Variants in VPS13B observed in about 807,000 individuals in gnomAD.
The protein encoded by VPS13B is intermembrane lipid transfer protein VPS13B.
Under a neutral mutation model 426.4 loss-of-function variants are expected in VPS13B, and 285 were observed. The observed-to-expected ratio is 0.67, with a 90% CI of 0.61 to 0.74. The LOEUF is 0.74. Ranked by LOEUF, VPS13B falls within the 30% of genes least tolerant of loss-of-function variation. VPS13B has a pLI of 0.00. For synonymous variants in VPS13B, 1,676 were observed against 1,676.4 expected, an observed-to-expected ratio of 1.00 and a Z score of 0.01; for missense variants, 4,537 against 4,782.6, an observed-to-expected ratio of 0.95 and a Z score of 1.51.
chr8:99,724,211 GCTTGCTCT>G (rs1474604270), intron 39 of VPS13B, among the ~76,000 whole-genome samples: 2 of 152,158 alleles, frequency 1.3e-5, no homozygotes, highest in Admixed American at 6.5e-5. Flanking sequence ...CAGGCCCTGG[GCTTGCTCT>G]GGGGGATCCA....
At chr8:99,316,547 A>G (rs1446065217) in intron 19 of VPS13B, among the ~76,000 whole-genome samples, 1 of 152,126 alleles carries the variant, frequency 6.6e-6, no homozygotes, top group African/African-American at 2.4e-5. Context: ...TCTCTTCACT[A>G]GAATTACAGG....
intron 19 of VPS13B, among the ~76,000 whole-genome samples, chr8:99,326,236 A>C (rs1370019969): frequency 6.6e-6 from 1 of 152,036 alleles, no homozygotes; most frequent in Non-Finnish European, 1.5e-5. Flanking sequence ...CATGTGCGAC[A>C]GGTACTCAGT....
intron 43 of VPS13B, among the ~76,000 whole-genome samples, chr8:99,785,343 A>G (rs890637272): frequency 1.3e-5 from 2 of 152,182 alleles, no homozygotes; most frequent in African/African-American, 2.4e-5. Flanking sequence ...CTAGACCAGC[A>G]TCAGAATACA....
At chr8:99,561,988 A>G (rs1371906500) in intron 31 of VPS13B, among the ~76,000 whole-genome samples, 1 of 152,162 alleles carries the variant, frequency 6.6e-6, no homozygotes. Flanking sequence ...GAAACTGCCA[A>G]ACTCTTTTCA....
intron 58 of VPS13B, among the ~76,000 whole-genome samples, chr8:99,865,132 A>G (rs1588801710): frequency 6.6e-6 from 1 of 152,286 alleles, no homozygotes; most frequent in East Asian, 1.9e-4. Context: ...GCTCCATGAC[A>G]GTTTTCCAAG....
chr8:99,581,099 C>G (rs1826037663), intron 33 of VPS13B, among the ~76,000 whole-genome samples: 1 of 151,332 alleles, frequency 6.6e-6, no homozygotes, highest in Non-Finnish European at 1.5e-5. Context: ...AGGAGGATCA[C>G]TTGAACCTGG....
intron 17 of VPS13B, among the ~76,000 whole-genome samples, chr8:99,207,665 A>G (rs952327454): frequency 2.0e-5 from 3 of 152,230 alleles, no homozygotes; most frequent in African/African-American, 7.2e-5. Flanking sequence ...TCAATAAATT[A>G]CTGTTGATAA....
chr8:99,850,321 ATAAGTACG>A (rs1816214648), intron 55 of VPS13B, among the ~76,000 whole-genome samples: 2 of 139,284 alleles, frequency 1.4e-5, no homozygotes, highest in African/African-American at 5.9e-5. Flanking sequence ...TTATACATAC[ATAAGTACG>A]CATGTATGTA....
At chr8:99,490,923 A>T (rs754569218) in intron 25 of VPS13B, among the ~76,000 whole-genome samples, 4 of 151,604 alleles carry the variant, frequency 2.6e-5, no homozygotes, top group Admixed American at 6.6e-5. Flanking sequence ...CTTTGATCTT[A>T]GTTATTTCTT....
chr8:99,728,467 A>T (rs532742027), intron 39 of VPS13B, among the ~76,000 whole-genome samples: 107 of 152,358 alleles, frequency 7.0e-4, no homozygotes, highest in Non-Finnish European at 1.4e-3. Flanking sequence ...CACATCATAA[A>T]TGGTAGCTGT....
rs1832029028 is a variant in VPS13B, at chr8:99,696,842, T to C, written c.6047-2683T>C. ...GTCACGGCCGCAGCTGGTGGCGCCGTGCAAGCTGCTGGAGCTGCAGTCCAT... is the reference window on the plus strand; with the variant it reads ...GTCACGGCCGCAGCTGGTGGCGCCGCGCAAGCTGCTGGAGCTGCAGTCCAT... On this transcript the variant is annotated intron_variant, in intron 35 of 61. Transcript: ENST00000357162. 8.7e-6 allele frequency: 9 copies of C among 1,031,666 alleles called. No individual in the cohort carries two copies. In the Admixed American group the frequency reaches 1.2e-4, roughly 14 times the overall value. 63.9% of individuals were successfully genotyped at this position (1,031,666 alleles called of 1,614,324 possible). A position where few individuals can be genotyped will look rare whatever the true frequency, so the allele number is the denominator to read the frequency against.
intron 20 of VPS13B, among the ~76,000 whole-genome samples, chr8:99,387,983 T>G (rs1814221938): frequency 6.6e-6 from 1 of 152,154 alleles, no homozygotes; most frequent in Admixed American, 6.5e-5. Flanking sequence ...AATGTGAAAA[T>G]TTGAAAACCT....
chr8:99,642,298 C>G lies in VPS13B; in HGVS notation c.5708C>G (p.Ser1903Cys), dbSNP rs780937159. 6.2e-7 allele frequency: 1 copy of G among 1,614,172 alleles called. No homozygotes were observed. Among genetic ancestry groups the G allele is most frequent in the South Asian group, 1.1e-5 (1 of 91,080 alleles). ...LESLHASTRS[S>C]ARQALGITIV... ...AGTCTTCATGCATCCACAAGGTCAT[C>G]TGCTAGACAAGCACTTGGTATAACT... is the stretch of plus-strand genomic sequence containing the variant. Residue 1903 changes from serine (S) to cysteine (C), a missense_variant, in exon 34 of 62, where the codon TCT (serine) becomes TGT (cysteine). Ser to Cys is a moderately radical substitution (Grantham distance 112). Transcript: ENST00000357162.
intron 16 of VPS13B, among the ~76,000 whole-genome samples, chr8:99,177,596 C>A (rs1028883162): frequency 5.9e-5 from 9 of 151,952 alleles, no homozygotes; most frequent in Non-Finnish European, 1.2e-4. Flanking sequence ...CAGAAAGTTT[C>A]CTTTGATTGT....
At chr8:99,672,642 C>T (rs1181592418) in intron 35 of VPS13B, among the ~76,000 whole-genome samples, 1 of 152,006 alleles carries the variant, frequency 6.6e-6, no homozygotes. Flanking sequence ...ATTTCTTTCT[C>T]TTACCTAATT....
intron 3 of VPS13B, among the ~76,000 whole-genome samples, chr8:99,058,583 T>C (rs557128829): frequency 6.6e-6 from 1 of 152,280 alleles, no homozygotes; most frequent in East Asian, 1.9e-4. Context: ...GCAATCAAAA[T>C]TGAATTATTT....
chr8:99,602,896 A>G (rs1827383856), intron 33 of VPS13B, among the ~76,000 whole-genome samples: 1 of 152,250 alleles, frequency 6.6e-6, no homozygotes, highest in Non-Finnish European at 1.5e-5. Context: ...AAACAAATGG[A>G]AAAACATTCC....
intron 23 of VPS13B, among the ~76,000 whole-genome samples, chr8:99,449,528 T>C (rs1818086346): frequency 6.6e-6 from 1 of 151,930 alleles, no homozygotes; most frequent in South Asian, 2.1e-4. Context: ...GAGTGACAAA[T>C]GAAGTGGGAT....
intron 25 of VPS13B, among the ~76,000 whole-genome samples, chr8:99,499,334 G>A (rs964482499): frequency 6.6e-6 from 1 of 152,188 alleles, no homozygotes; most frequent in Admixed American, 6.6e-5. Context: ...TTACTGAGGA[G>A]TGCTTACTAA....
Sources: gnomAD v4.1 joint callset for allele counts (sites outside exome capture counted in the v4.1 genomes callset) on GRCh38, gnomAD v4.1.1 for gene constraint, MANE v1.5 for transcripts, NCBI Gene and HGNC (gene_info 2026-07-23, HGNC 2026-07-21) for gene names.